The following GABRB1 variants were observed in gnomAD, a reference collection of about 807,000 sequenced individuals.
GABRB1 encodes the protein gamma-aminobutyric acid receptor subunit beta-1.
In GABRB1, 17 loss-of-function variants were observed where a neutral mutation model predicts 51.6. The ratio of observed to expected loss-of-function variants is 0.33; its 90% CI spans 0.23 to 0.49. The LOEUF (loss-of-function observed/expected upper bound fraction) is 0.49, where lower values mean the gene tolerates loss of function less well. Ranked by LOEUF, GABRB1 falls within the 20% of genes least tolerant of loss-of-function variation. GABRB1 has a pLI of 0.99. For missense variants in GABRB1, 410 were observed against 600.6 expected, an observed-to-expected ratio of 0.68 and a Z score of 3.32; for synonymous variants, 247 against 218.9, an observed-to-expected ratio of 1.13 and a Z score of -1.14.
chr4:47,156,986 T>C (rs535220728), intron 3 of GABRB1, among the ~76,000 whole-genome samples: 120 of 152,096 alleles, frequency 7.9e-4, no homozygotes, highest in Non-Finnish European at 1.5e-3. Context: ...AAAATAAATT[T>C]TTTAAAATGT....
At chr4:47,081,981 A>C (rs1430046347) in intron 3 of GABRB1, among the ~76,000 whole-genome samples, 2 of 152,076 alleles carry the variant, frequency 1.3e-5, no homozygotes, top group Non-Finnish European at 2.9e-5. Flanking sequence ...AAAATCATTA[A>C]ATAGTTGCTT....
intron 1 of GABRB1, among the ~76,000 whole-genome samples, chr4:47,007,866 G>GTTATA (rs1476319173): frequency 6.0e-5 from 3 of 49,972 alleles, no homozygotes; most frequent in African/African-American, 2.4e-4. Flanking sequence ...CTTGGAACTG[G>GTTATA]TATATATATA....
rs909478266 is a variant in GABRB1, at chr4:46,996,040, C to A, written c.-20+2114C>A. ...TATGTTGAATTTCACTGCCTGAAAT[C>A]TTTAAAAAAATATTGCCTGCTAACT... On this transcript the variant is annotated intron_variant, in intron 1 of 3. Coordinates refer to the GABRB1 transcript ENST00000513567. Among the ~76,000 whole-genome samples, 5 of 146,124 alleles carry A rather than the reference C, an allele frequency of 3.4e-5. No homozygotes were observed. In the East Asian group the frequency reaches 8.0e-4, roughly 23 times the overall value.
chr4:47,425,480 TGATA>T (rs3138735), intron 8 of GABRB1, among the ~76,000 whole-genome samples, 190 bp from the exon 9 acceptor site: 1,834 of 142,414 alleles, frequency 0.013, 20 homozygotes, highest in African/African-American at 0.02. Flanking sequence ...TGGATGATGA[TGATA>T]GATAGATAGA....
intron 5 of GABRB1, among the ~76,000 whole-genome samples, chr4:47,337,799 G>A (rs895848299): frequency 9.3e-6 from 1 of 107,884 alleles, no homozygotes; most frequent in African/African-American, 3.9e-5. Flanking sequence ...GACAGAGCCA[G>A]ACTCTGTCTA....
At chr4:47,065,207 T>G (rs527536978) in intron 3 of GABRB1, among the ~76,000 whole-genome samples, 2 of 152,334 alleles carry the variant, frequency 1.3e-5, no homozygotes, top group East Asian at 1.9e-4. Flanking sequence ...AATGGCATAT[T>G]AAAACCCACA....
At chr4:47,077,822 T>A (rs1180815173) in intron 3 of GABRB1, among the ~76,000 whole-genome samples, 1 of 135,888 alleles carries the variant, frequency 7.4e-6, no homozygotes, top group African/African-American at 2.8e-5. Context: ...TATAAAAAAA[T>A]ATAATATATA....
intron 4 of GABRB1, among the ~76,000 whole-genome samples, chr4:47,306,052 T>G (rs752376189): frequency 5.3e-5 from 8 of 152,048 alleles, no homozygotes; most frequent in East Asian, 3.9e-4. Context: ...ATTTGAGAAT[T>G]TATCTGTTTG....
chr4:47,249,891 G>A (rs1721916595), intron 4 of GABRB1, among the ~76,000 whole-genome samples: 2 of 152,078 alleles, frequency 1.3e-5, no homozygotes, highest in Non-Finnish European at 2.9e-5. Flanking sequence ...CTGTGGTTCT[G>A]TATTTTTTAT....
intron 4 of GABRB1, among the ~76,000 whole-genome samples, chr4:47,204,819 T>C (rs1720049940): frequency 6.6e-6 from 1 of 152,190 alleles, no homozygotes; most frequent in Admixed American, 6.6e-5. Context: ...GAGTTCTCCA[T>C]TAAACCTTTT....
At chr4:47,328,290 T>C (rs1040502264) in intron 5 of GABRB1, among the ~76,000 whole-genome samples, 5 of 152,188 alleles carry the variant, frequency 3.3e-5, no homozygotes, top group Non-Finnish European at 5.9e-5. Flanking sequence ...GTAGTTTCTT[T>C]TGCTGTGCAG....
chr4:47,084,084 G>C (rs1328596477), intron 3 of GABRB1, among the ~76,000 whole-genome samples: 1 of 152,176 alleles, frequency 6.6e-6, no homozygotes, highest in Non-Finnish European at 1.5e-5. Flanking sequence ...GGAGTTATTA[G>C]AGTAAGTCAT....
intron 5 of GABRB1, among the ~76,000 whole-genome samples, chr4:47,375,335 A>G (rs1248769432): frequency 6.6e-6 from 1 of 152,240 alleles, no homozygotes; most frequent in African/African-American, 2.4e-5. Context: ...TTGTGGAAGC[A>G]ATCCAGGAAA....
intron 1 of GABRB1, among the ~76,000 whole-genome samples, chr4:47,002,767 G>T (rs1724267921): frequency 6.6e-6 from 1 of 152,124 alleles, no homozygotes; most frequent in Non-Finnish European, 1.5e-5. Flanking sequence ...TGAAATATTT[G>T]GTCCTCAAAA....
At chr4:47,019,686 TC>T (rs1724864353) in intron 1 of GABRB1, among the ~76,000 whole-genome samples, 5 of 133,726 alleles carry the variant, frequency 3.7e-5, no homozygotes, top group Admixed American at 8.3e-5. Flanking sequence ...TTTCCTTCTT[TC>T]CTTCTTCTTT....
chr4:47,256,787 A>T (rs1418474609), intron 4 of GABRB1, among the ~76,000 whole-genome samples: 1 of 152,170 alleles, frequency 6.6e-6, no homozygotes, highest in African/African-American at 2.4e-5. Context: ...CATACCCATG[A>T]TCTTATCACC....
At chr4:47,325,847 A>G (rs953968660) in intron 5 of GABRB1, among the ~76,000 whole-genome samples, 2 of 152,124 alleles carry the variant, frequency 1.3e-5, no homozygotes, top group Non-Finnish European at 2.9e-5. Flanking sequence ...TATTGTCTGA[A>G]AGTTTGTATC....
At chr4:47,377,587 G>A (rs560068496) in intron 5 of GABRB1, among the ~76,000 whole-genome samples, 32 of 152,134 alleles carry the variant, frequency 2.1e-4, no homozygotes, top group Admixed American at 9.8e-4. Flanking sequence ...GGACCCAAGC[G>A]GGTTGCCACT....
chr4:47,090,879 A>T (rs1289634872), intron 3 of GABRB1, among the ~76,000 whole-genome samples: 1 of 152,142 alleles, frequency 6.6e-6, no homozygotes, highest in Non-Finnish European at 1.5e-5. Flanking sequence ...TTCATGAGCC[A>T]CCTCAAATAT....
Sources: allele counts gnomAD v4.1 joint callset (sites outside exome capture counted in the v4.1 genomes callset), GRCh38; gene constraint gnomAD v4.1.1; transcripts MANE v1.5; gene names NCBI Gene and HGNC (gene_info 2026-07-23, HGNC 2026-07-21).